The following ARHGEF26 variants were observed in gnomAD, a reference collection of about 807,000 sequenced individuals.
ARHGEF26 encodes the protein Rho guanine nucleotide exchange factor 26.
A neutral mutation model predicts 89.4 loss-of-function variants in ARHGEF26; 59 were observed. The observed-to-expected ratio is 0.66, with a 90% CI of 0.54 to 0.82. The LOEUF is 0.82. Among genes scored for constraint, ARHGEF26 ranks in the 40% least tolerant of loss-of-function variants. The pLI, the probability that ARHGEF26 is intolerant of heterozygous loss-of-function variation, is 0.00. For synonymous variants in ARHGEF26, 500 were observed against 428.4 expected (o/e 1.17, Z -2.06); for missense variants, 1,234 against 1,085.6 (o/e 1.14, Z -1.92).
intron 6 of ARHGEF26, among the ~76,000 whole-genome samples, chr3:154,158,836 A>G (rs1026293656): frequency 3.9e-5 from 6 of 152,086 alleles, no homozygotes; most frequent in Admixed American, 3.3e-4. Flanking sequence ...ACAAAAATCT[A>G]TGGTTACTTA....
chr3:154,188,599 G>T (rs1269515212), intron 7 of ARHGEF26, among the ~76,000 whole-genome samples: 2 of 152,166 alleles, frequency 1.3e-5, no homozygotes, highest in African/African-American at 2.4e-5. Context: ...TGTAAACCCA[G>T]TTTGGGAGCT....
rs1269670774 is a variant in ARHGEF26, at chr3:154,122,917, C to A, written c.925C>A (p.Arg309=). ...DNDVDSPGSL[R]RGLRSTSYRR... ...CGACGTGGATAGCCCAGGGTCTCTGCGGAGAGGCTTGCGGTCCACGTCTTA... is the reference window on the plus strand; with the variant it reads ...CGACGTGGATAGCCCAGGGTCTCTGAGGAGAGGCTTGCGGTCCACGTCTTA... Residue 309 remains arginine, a synonymous_variant, in exon 2 of 15, where the codon CGG becomes AGG. Coordinates refer to ENST00000465093, the MANE Select transcript of ARHGEF26 (RefSeq NM_015595.4). 6.2e-7 allele frequency: 1 copy of A among 1,613,398 alleles called. No homozygotes were observed. Among genetic ancestry groups the A allele is most frequent in the Non-Finnish European group, 8.5e-7 (1 of 1,179,688 alleles).
chr3:154,124,541 C>G (rs181780668), intron 3 of ARHGEF26, 92 bp downstream of exon 3: 1 of 1,148,512 alleles, frequency 8.7e-7, no homozygotes, highest in Admixed American at 3.1e-5. Flanking sequence ...AAAATGCTTA[C>G]GATGAGAAAT....
In ARHGEF26 at chr3:154,256,956, A is replaced by C; in HGVS notation, c.*1483A>C. ...GAGGGGGGAAATGATTTTTACTGGCAGCTATATTCCCTCTCTGTTCTATTT... is the reference window on the plus strand; with the variant it reads ...GAGGGGGGAAATGATTTTTACTGGCCGCTATATTCCCTCTCTGTTCTATTT... On this transcript the variant is annotated 3_prime_UTR_variant, in exon 15 of 15. Coordinates refer to ENST00000465093, the MANE Select transcript of ARHGEF26 (RefSeq NM_015595.4). 2.0e-6 allele frequency: 3 copies of C among 1,532,966 alleles called. No individual in the cohort carries two copies. Among genetic ancestry groups the C allele is most frequent in the Non-Finnish European group, 2.6e-6 (3 of 1,145,804 alleles). The allele number at this position is 1,532,966 out of a possible 1,614,324, so 95.0% of individuals were successfully genotyped here. A position where few individuals can be genotyped will look rare whatever the true frequency, so the allele number is the denominator to read the frequency against.
At chr3:154,150,677 A>G (rs570560603) in intron 5 of ARHGEF26, among the ~76,000 whole-genome samples, 74 of 152,200 alleles carry the variant, frequency 4.9e-4, no homozygotes, top group African/African-American at 1.7e-3. Context: ...CTTCATTGTT[A>G]ACATTGTGAC....
intron 9 of ARHGEF26, among the ~76,000 whole-genome samples, chr3:154,207,475 T>C (rs1443678494): frequency 6.6e-6 from 1 of 152,024 alleles, no homozygotes; most frequent in African/African-American, 2.4e-5. Flanking sequence ...AAGACATACA[T>C]GCAGCCAACA....
intron 6 of ARHGEF26, among the ~76,000 whole-genome samples, chr3:154,178,190 T>A (rs1712949253): frequency 6.6e-6 from 1 of 151,930 alleles, no homozygotes; most frequent in South Asian, 2.1e-4. Flanking sequence ...GTTGATAGAG[T>A]GAGACTCCAT....
chr3:154,141,795 AT>A (rs1174130405), intron 4 of ARHGEF26, among the ~76,000 whole-genome samples: 2 of 151,964 alleles, frequency 1.3e-5, no homozygotes, highest in Non-Finnish European at 2.9e-5. Flanking sequence ...AGTATTTTTA[AT>A]TTTTTTCTGT....
rs1203392078 is a variant in ARHGEF26, at chr3:154,247,117, C to A, written c.2301-5999C>A. Among the ~76,000 whole-genome samples the A allele has an allele frequency of 2.0e-5, 3 of 152,154 alleles. No homozygotes were observed. In the East Asian group the frequency reaches 5.8e-4, roughly 29 times the overall value. On this transcript the variant is annotated intron_variant, in intron 12 of 14. Transcript: ENST00000465093. ...GACCATCCAGCTCTTTCATGCTAAC[C>A]CTTTTTTTGAGATTATGTTTTTCTC...
chr3:154,169,021 G>T (rs1412568030), intron 6 of ARHGEF26, among the ~76,000 whole-genome samples: 1 of 152,026 alleles, frequency 6.6e-6, no homozygotes, highest in Admixed American at 6.6e-5. Context: ...AGTACAAGGT[G>T]GGAAATTATT....
At chr3:154,190,662 C>T (rs1456612512) in intron 7 of ARHGEF26, among the ~76,000 whole-genome samples, 2 of 152,200 alleles carry the variant, frequency 1.3e-5, no homozygotes, top group Admixed American at 6.5e-5. Context: ...GGTGGTTCCA[C>T]ATGAAAGAAT....
intron 11 of ARHGEF26, among the ~76,000 whole-genome samples, chr3:154,227,561 A>G (rs1161361303): frequency 6.6e-6 from 1 of 152,176 alleles, no homozygotes; most frequent in Non-Finnish European, 1.5e-5. Flanking sequence ...GATTATAGGC[A>G]TGAGCCACTG....
At chr3:154,150,414 T>A (rs1051296144) in intron 5 of ARHGEF26, among the ~76,000 whole-genome samples, 1 of 152,128 alleles carries the variant, frequency 6.6e-6, no homozygotes, top group African/African-American at 2.4e-5. Context: ...TTCCAGCCTG[T>A]GTTTTAAAAT....
At chr3:154,254,286 C>CT (rs930006052) in intron 13 of ARHGEF26, among the ~76,000 whole-genome samples, 1 of 152,112 alleles carries the variant, frequency 6.6e-6, no homozygotes, top group Non-Finnish European at 1.5e-5. Context: ...TATTTCTAAA[C>CT]TTTTTTTTGG....
chr3:154,242,036 C>T (rs1717509526), intron 12 of ARHGEF26, among the ~76,000 whole-genome samples: 1 of 152,174 alleles, frequency 6.6e-6, no homozygotes. Context: ...GTGAAAATTA[C>T]AAGGCACCCA....
At chr3:154,121,886 G>C in intron 1 of ARHGEF26, 56 bp from the exon 2 acceptor site, 3 of 1,439,820 alleles carry the variant, frequency 2.1e-6, no homozygotes, top group Non-Finnish European at 2.8e-6. Flanking sequence ...CACGCGAGTC[G>C]GCCAGGCGTC....
At chr3:154,145,344 C>A (rs1008427073) in intron 4 of ARHGEF26, among the ~76,000 whole-genome samples, 2 of 152,138 alleles carry the variant, frequency 1.3e-5, no homozygotes, top group Non-Finnish European at 2.9e-5. Flanking sequence ...TATAATTTTA[C>A]TTTGAAATCC....
chr3:154,134,721 A>G (rs535891621), intron 4 of ARHGEF26, among the ~76,000 whole-genome samples: 28 of 151,446 alleles, frequency 1.8e-4, no homozygotes, highest in African/African-American at 6.1e-4. Context: ...TTTGTAATAT[A>G]TGGCTCTTAT....
At position 154,257,053 on chromosome 3, in the gene ARHGEF26, C is replaced by CAACT. The variant is rs765593988; in HGVS notation, c.*1582_*1585dup. The CAACT allele has an allele frequency of 1.1e-4, 159 of 1,391,980 alleles. No individual in the cohort carries two copies. Among genetic ancestry groups the CAACT allele is most frequent in the Middle Eastern group, 1.9e-4 (1 of 5,392 alleles). 86.2% of individuals were successfully genotyped at this position (1,391,980 alleles called of 1,614,324 possible). A position where few individuals can be genotyped will look rare whatever the true frequency, so the allele number is the denominator to read the frequency against. ...ACTCAAATCTGTATGTGACATGTCCCAACTACTGTCCGCTAACTAGTTATC... is the reference window on the plus strand; with the variant it reads ...ACTCAAATCTGTATGTGACATGTCCCAACTAACTACTGTCCGCTAACTAGTTATC... On this transcript the variant is annotated 3_prime_UTR_variant, in exon 15 of 15. Transcript: ENST00000465093.
Sources: gnomAD v4.1 joint callset for allele counts (sites outside exome capture counted in the v4.1 genomes callset) on GRCh38, gnomAD v4.1.1 for gene constraint, MANE v1.5 for transcripts, NCBI Gene and HGNC (gene_info 2026-07-23, HGNC 2026-07-21) for gene names.